MARCHF7: variants seen among roughly 807,000 people sequenced by gnomAD.
MARCHF7 encodes E3 ubiquitin-protein ligase MARCHF7.
Under a neutral mutation model 76.5 loss-of-function variants are expected in MARCHF7, and 20 were observed. The ratio of observed to expected loss-of-function variants is 0.26; its 90% CI spans 0.18 to 0.38. MARCHF7 has a LOEUF of 0.38. Ranked by LOEUF, MARCHF7 falls within the 10% of genes least tolerant of loss-of-function variation. The probability of loss-of-function intolerance (pLI) is 1.00; values close to 1 mark genes in which losing one functional copy is unlikely to be tolerated. For synonymous variants in MARCHF7, 295 were observed against 293.0 expected (o/e 1.01, Z -0.07); for missense variants, 797 against 812.9 (o/e 0.98, Z 0.24).
In MARCHF7 at chr2:159,759,287, G is replaced by A; in HGVS notation, c.1845G>A (p.Leu615=). The change falls in exon 9 of 12, where the codon CTG becomes CTA. Residue 615 remains leucine, a synonymous_variant. Transcript: ENST00000409175. The part of the protein sequence containing the change: ...ELCKEKLELN[L]EDFDIHELHR... ...GTAAAGAGAAGTTGGAGCTTAACCT[G>A]GAGGATTTTGATATTCATGAACTAC... The A allele has an allele frequency of 6.2e-7, 1 of 1,612,314 alleles. No individual in the cohort carries two copies. The highest frequency in any genetic ancestry group is 8.5e-7 in the Non-Finnish European group (1 of 1,178,760).
In MARCHF7 at chr2:159,770,867, ATTT is replaced by A. The variant is rs1409866465; in HGVS notation, c.*3526_*3528del. 6.6e-6 allele frequency: 1 copy of A among 152,158 alleles called. No homozygotes were observed. The highest frequency in any genetic ancestry group is 1.5e-5 in the Non-Finnish European group (1 of 67,998). The allele number at this position is 152,158 out of a possible 1,614,324, so 9.4% of individuals were successfully genotyped here. On this transcript the variant is annotated 3_prime_UTR_variant, in exon 12 of 12. Coordinates refer to ENST00000409175, the MANE Select transcript of MARCHF7 (RefSeq NM_001282805.2). ...CCCATTGATAAGTGATACGTGACTAATTTACGTGAAATTTATACATTCTTTATC... is the reference window on the plus strand; with the variant it reads ...CCCATTGATAAGTGATACGTGACTAAACGTGAAATTTATACATTCTTTATC...
chr2:159,724,973 G>A (rs925831780), intron 3 of MARCHF7, among the ~76,000 whole-genome samples: 2 of 152,086 alleles, frequency 1.3e-5, no homozygotes, highest in African/African-American at 4.8e-5. Flanking sequence ...GAGAATGATG[G>A]TTTCCAGCTT....
intron 11 of MARCHF7, 102 bp from the exon 12 acceptor site, chr2:159,767,182 A>AT: frequency 1.2e-6 from 1 of 805,060 alleles, no homozygotes; most frequent in Non-Finnish European, 2.1e-6. Flanking sequence ...CTAAATTGGG[A>AT]TTTTTGTTTT....
Position 159,764,672 on chromosome 2 carries a change from A to G in MARCHF7, c.2054A>G (p.Glu685Gly). The change falls in exon 11 of 12, where the codon GAA becomes GGA. Residue 685 changes from glutamate to glycine, a missense_variant and splice_region_variant. Physicochemically the swap from Glu to Gly is moderately conservative, Grantham distance 98. Around this residue, in one of 3 missense-constraint regions of MARCHF7, gnomAD observed 124 missense variants for 121.3 expected, o/e 1.02. Transcript: ENST00000409175. ...RTLQAHMEDL[E>G]TSEDDSEEDG... ...CTTCAGGCACATATGGAAGATCTCGAAAGTAGGTGGAATTTCCCCTCCCCA... is the reference window on the plus strand; with the variant it reads ...CTTCAGGCACATATGGAAGATCTCGGAAGTAGGTGGAATTTCCCCTCCCCA... 6.2e-7 allele frequency: 1 copy of G among 1,601,218 alleles called. No homozygotes were observed. Among genetic ancestry groups the G allele is most frequent in the Non-Finnish European group, 8.5e-7 (1 of 1,174,466 alleles).
intron 6 of MARCHF7, among the ~76,000 whole-genome samples, chr2:159,747,427 G>A (rs1054932525): frequency 1.3e-5 from 2 of 151,626 alleles, no homozygotes; most frequent in Non-Finnish European, 2.9e-5. Context: ...CATTTTAAGA[G>A]TCATTTACAT....
chr2:159,728,855 G>A (rs180849290), intron 3 of MARCHF7, among the ~76,000 whole-genome samples, 154 bp from the exon 4 acceptor site: 16 of 152,232 alleles, frequency 1.1e-4, no homozygotes, highest in African/African-American at 3.4e-4. Flanking sequence ...TCTGCTTTGC[G>A]GAAGAGAAGT....
At chr2:159,714,277 TGTA>T (rs1401783730) in intron 1 of MARCHF7, among the ~76,000 whole-genome samples, 2 of 152,228 alleles carry the variant, frequency 1.3e-5, no homozygotes, top group Admixed American at 6.5e-5. Context: ...TGTAATTTGT[TGTA>T]GTCAAATTAC....
intron 4 of MARCHF7, among the ~76,000 whole-genome samples, chr2:159,732,451 T>G (rs1436944266): frequency 6.6e-6 from 1 of 152,210 alleles, no homozygotes; most frequent in Non-Finnish European, 1.5e-5. Flanking sequence ...AGTCAACCAT[T>G]TTTAGGCTGC....
chr2:159,728,258 C>A (rs1702396246), intron 3 of MARCHF7, among the ~76,000 whole-genome samples: 1 of 152,182 alleles, frequency 6.6e-6, no homozygotes, highest in African/African-American at 2.4e-5. Context: ...TCTTTACTGT[C>A]AGACCTTGCA....
intron 3 of MARCHF7, among the ~76,000 whole-genome samples, chr2:159,724,077 T>A (rs1701915135): frequency 6.6e-6 from 1 of 152,232 alleles, no homozygotes; most frequent in African/African-American, 2.4e-5. Flanking sequence ...CCTCTGGTAG[T>A]GTTTTTGGTC....
chr2:159,733,796 T>A (rs1703114470), intron 4 of MARCHF7: 1 of 985,310 alleles, frequency 1.0e-6, no homozygotes, highest in Admixed American at 6.1e-5. Flanking sequence ...AGTTCATCGA[T>A]AAGGTTCTGA....
chr2:159,752,402 C>A lies in MARCHF7; in HGVS notation c.1614C>A (p.Ser538Arg). ...DPERLQKIKE[S>R]LLLEDSEEEE... is the part of the protein sequence containing the mutation. ...TTGGGAAATGTGCCTTCTTTTCCAG[C>A]CTCCTTTTAGAGGACTCAGAAGAAG... Residue 538 changes from serine (S) to arginine (R), a missense_variant and splice_region_variant, in exon 8 of 12, where the codon AGC (serine) becomes AGA (arginine). Physicochemically the swap from Ser to Arg is moderately radical, Grantham distance 110 (BLOSUM62 -1). Transcript: ENST00000409175. The A allele has an allele frequency of 6.4e-7, 1 of 1,568,564 alleles. No individual in the cohort carries two copies.
chr2:159,738,480 TGGA>T (rs562904328), intron 4 of MARCHF7, among the ~76,000 whole-genome samples: 307 of 152,166 alleles, frequency 2.0e-3, no homozygotes, highest in Admixed American at 4.7e-3. Flanking sequence ...CACAGACAGT[TGGA>T]GGGTTAGCAA....
At chr2:159,746,453 G>A (rs1704898473) in intron 6 of MARCHF7, among the ~76,000 whole-genome samples, 1 of 152,236 alleles carries the variant, frequency 6.6e-6, no homozygotes, top group Admixed American at 6.5e-5. Flanking sequence ...CCAGGCTGGG[G>A]TGCAATGGCA....
At chr2:159,759,610 C>A (rs138771353) in intron 9 of MARCHF7, among the ~76,000 whole-genome samples, 125 of 151,656 alleles carry the variant, frequency 8.2e-4, no homozygotes, top group African/African-American at 2.9e-3. Context: ...ATAAATGATA[C>A]AGTTTAGAAT....
At position 159,743,043 on chromosome 2, in the gene MARCHF7, A is replaced by C; in HGVS notation, c.154-18A>C. On this transcript the variant is annotated intron_variant, in intron 4 of 11. Transcript: ENST00000409175. ...AATGCAGCCTTTTGTTGTTTAAAAA[A>C]TTTTTTTGAACTCACAGTCTACATC... The C allele has an allele frequency of 6.3e-7, 1 of 1,597,564 alleles. No homozygotes were observed. Among genetic ancestry groups the C allele is most frequent in the Non-Finnish European group, 8.5e-7 (1 of 1,171,204 alleles).
chr2:159,746,702 C>T (rs1000690586), intron 6 of MARCHF7, among the ~76,000 whole-genome samples: 2 of 152,136 alleles, frequency 1.3e-5, no homozygotes, highest in South Asian at 2.1e-4. Context: ...CACACAGCCA[C>T]ACTTTGTATC....
chr2:159,752,812 AT>A (rs1705815281), intron 8 of MARCHF7, among the ~76,000 whole-genome samples: 1 of 152,210 alleles, frequency 6.6e-6, no homozygotes. Flanking sequence ...TACAGCTGTA[AT>A]TTGTGATCAC....
intron 10 of MARCHF7, among the ~76,000 whole-genome samples, chr2:159,764,255 T>TGTGTGTGTGC (rs10592175): frequency 9.1e-5 from 12 of 131,476 alleles, no homozygotes; most frequent in South Asian, 7.2e-4. Flanking sequence ...TGTGTGTGTG[T>TGTGTGTGTGC]GCGCGCGCCC....
Sources: allele counts gnomAD v4.1 joint callset (sites outside exome capture counted in the v4.1 genomes callset), GRCh38; gene constraint gnomAD v4.1.1; regional missense constraint gnomAD v4.1.1; transcripts MANE v1.5; gene names NCBI Gene and HGNC (gene_info 2026-07-23, HGNC 2026-07-21).